Variants in LARGE1 observed in about 807,000 individuals in gnomAD.
LARGE1 encodes the protein LARGE xylosyl- and glucuronyltransferase 1.
In LARGE1, 43 loss-of-function variants were observed where a neutral mutation model predicts 87.6. The ratio of observed to expected loss-of-function variants is 0.49; its 90% CI spans 0.38 to 0.63. The LOEUF (loss-of-function observed/expected upper bound fraction) is 0.63, where lower values mean the gene tolerates loss of function less well. Among genes scored for constraint, LARGE1 ranks in the 30% least tolerant of loss-of-function variants. The probability of loss-of-function intolerance (pLI) is 0.00; values close to 1 mark genes in which losing one functional copy is unlikely to be tolerated. For synonymous variants in LARGE1, 434 were observed against 394.6 expected (o/e 1.10, Z -1.18); for missense variants, 802 against 1,000.2 (o/e 0.80, Z 2.67).
At chr22:33,130,177 G>C in the LARGE1 span, among the ~76,000 whole-genome samples, 51,910 of 150,374 alleles carry the variant, frequency 0.35, 9,169 homozygotes, top group South Asian at 0.46. Context: ...AGCCGGGCGT[G>C]GTGGTGGGCG....
chr22:33,403,893 C>T (rs188480336), intron 7 of LARGE1, among the ~76,000 whole-genome samples: 7 of 152,286 alleles, frequency 4.6e-5, no homozygotes, highest in East Asian at 3.9e-4. Flanking sequence ...CCACCGCGCC[C>T]GGCCCATACT....
At chr22:33,450,603 TTAAATAAATAAA>T (rs10605303) in intron 6 of LARGE1, among the ~76,000 whole-genome samples, 49,562 of 149,204 alleles carry the variant, frequency 0.33, 8,894 homozygotes, top group African/African-American at 0.47. Context: ...CAAGATTCTG[TTAAATAAATAAA>T]TAAATAAATA....
At position 33,824,970 on chromosome 22, in the gene LARGE1, C is replaced by T. The variant is rs148801939; in HGVS notation, c.-82-63412G>A. On this transcript the variant is annotated intron_variant, in intron 1 of 14. Transcript: ENST00000397394. ...TATAATGCTATGTTCTACTACAGCT[C>T]ATCCCAGGAACACTTTGGGTCTTTG... 1.1e-4 allele frequency among the ~76,000 whole-genome samples: 16 copies of T among 152,320 alleles called. No homozygotes were observed. The East Asian group carries it at 3.1e-3, about 29-fold the overall frequency.
chr22:33,827,702 G>C (rs573457300), intron 1 of LARGE1, among the ~76,000 whole-genome samples: 10 of 152,182 alleles, frequency 6.6e-5, no homozygotes, highest in Admixed American at 1.3e-4. Flanking sequence ...TCGTGGTGTA[G>C]AGCCAAGTGG....
In LARGE1 at chr22:33,557,342, T is replaced by C. The variant is rs1257014648; in HGVS notation, c.787+7506A>G. ...GACCAATGGAAGAACCAGTAGTGTC[T>C]ATCAAGAAAATCAAAGCGCTAGTTT... On this transcript the variant is annotated intron_variant, in intron 6 of 14. Transcript: ENST00000397394. Among the ~76,000 whole-genome samples the C allele has an allele frequency of 2.0e-5, 3 of 152,200 alleles. No homozygotes were observed. In the East Asian group the frequency reaches 5.8e-4, roughly 29 times the overall value.
At chr22:33,776,819 T>C (rs1462627347) in intron 1 of LARGE1, among the ~76,000 whole-genome samples, 1 of 152,166 alleles carries the variant, frequency 6.6e-6, no homozygotes, top group Non-Finnish European at 1.5e-5. Context: ...TGGTGCCAAA[T>C]GATACAGGGA....
At chr22:33,277,323 T>A (rs1427396311) in intron 13 of LARGE1, 68 bp from the exon 14 acceptor site, 1 of 1,469,106 alleles carries the variant, frequency 6.8e-7, no homozygotes. Flanking sequence ...GCAGCCGATG[T>A]GGAGGAAGAA....
chr22:33,380,458 A>G (rs2065121957), intron 9 of LARGE1, among the ~76,000 whole-genome samples: 1 of 152,218 alleles, frequency 6.6e-6, no homozygotes, highest in Admixed American at 6.5e-5. Context: ...TATTGGATGG[A>G]AGGGCTTCAT....
Position 33,302,669 on chromosome 22 carries a change from A to AGGG in LARGE1, c.1730+1559_1730+1560insCCC, listed in dbSNP as rs1283743006. On this transcript the variant is annotated intron_variant, in intron 12 of 14. Transcript: ENST00000397394. ...CTAAGAGACAGAGAGACGGAGTCAG[A>AGGG]AGGAGGGAGGGAGAGCAAGAGAACG... Among the ~76,000 whole-genome samples the AGGG allele has an allele frequency of 2.0e-4, 30 of 152,312 alleles. 1 individual carries two copies. The highest frequency in any genetic ancestry group is 6.7e-4 in the African/African-American group (28 of 41,570).
chr22:33,641,838 A>C (rs60298479), intron 3 of LARGE1, among the ~76,000 whole-genome samples: 7,416 of 152,280 alleles, frequency 0.049, 530 homozygotes, highest in African/African-American at 0.16. Flanking sequence ...AAGGAAAAAA[A>C]ATGAAAAGTA....
chr22:33,632,311 A>C (rs993433846), intron 3 of LARGE1, among the ~76,000 whole-genome samples: 2 of 152,014 alleles, frequency 1.3e-5, no homozygotes, highest in African/African-American at 4.8e-5. Context: ...TTTAGTAGAG[A>C]TGGGGTTTGG....
chr22:33,635,510 C>G (rs1034624049), intron 3 of LARGE1, among the ~76,000 whole-genome samples: 1 of 152,122 alleles, frequency 6.6e-6, no homozygotes, highest in African/African-American at 2.4e-5. Flanking sequence ...GGCAAATTAT[C>G]TAACCTCTTG....
chr22:33,413,164 T>C (rs191543574), intron 7 of LARGE1, among the ~76,000 whole-genome samples: 213 of 152,292 alleles, frequency 1.4e-3, no homozygotes, highest in African/African-American at 4.9e-3. Flanking sequence ...AATCCTATCC[T>C]TTGGCAGTAA....
At chr22:33,089,303 T>TCTC in the LARGE1 span, among the ~76,000 whole-genome samples, 1 of 129,652 alleles carries the variant, frequency 7.7e-6, no homozygotes, top group African/African-American at 2.8e-5. Context: ...TTCTTCTTCC[T>TCTC]CTTCTTCTTC....
intron 11 of LARGE1, among the ~76,000 whole-genome samples, chr22:33,201,324 GAGAAAGAGAGAGAGAA>G (rs971745025): frequency 6.0e-5 from 8 of 132,742 alleles, no homozygotes; most frequent in African/African-American, 2.4e-4. Flanking sequence ...GAAAGAAAGA[GAGAAAGAGAGAGAGAA>G]AGAAAGAGAG....
chr22:33,581,411 G>A (rs1039882181), intron 5 of LARGE1, among the ~76,000 whole-genome samples: 3 of 152,082 alleles, frequency 2.0e-5, no homozygotes, highest in Admixed American at 2.0e-4. Context: ...GTACAACCAG[G>A]GATGAAAACT....
chr22:33,597,129 A>C (rs2078998065), intron 5 of LARGE1, among the ~76,000 whole-genome samples: 1 of 152,144 alleles, frequency 6.6e-6, no homozygotes, highest in African/African-American at 2.4e-5. Context: ...CTGAAGTTCA[A>C]CCATTGTTAA....
At position 33,273,412 on chromosome 22, in the gene LARGE1, T is replaced by C. The variant is rs1432246276; in HGVS notation, c.*1015A>G. On this transcript the variant is annotated 3_prime_UTR_variant, in exon 15 of 15. Coordinates refer to ENST00000397394, the MANE Select transcript of LARGE1 (RefSeq NM_133642.5). Reference sequence around the variant, plus strand: ...AGATGGATACGTGAATCTTCAGAACTGGGCTTTCATGAATTATGAAAGTTC... The same window carrying C: ...AGATGGATACGTGAATCTTCAGAACCGGGCTTTCATGAATTATGAAAGTTC... 1 of 398,722 alleles carries C rather than the reference T, an allele frequency of 2.5e-6. No homozygotes were observed. The highest frequency in any genetic ancestry group is 4.4e-6 in the Non-Finnish European group (1 of 226,068). 24.7% of individuals were successfully genotyped at this position (398,722 alleles called of 1,614,324 possible). A position where few individuals can be genotyped will look rare whatever the true frequency, so the allele number is the denominator to read the frequency against.
intron 1 of LARGE1, among the ~76,000 whole-genome samples, chr22:33,788,194 G>A (rs188426663): frequency 1.6e-4 from 24 of 152,284 alleles, no homozygotes; most frequent in Admixed American, 9.8e-4. Context: ...TACTGTGCTC[G>A]TGGTAGTGAA....
Sources: allele counts gnomAD v4.1 joint callset (sites outside exome capture counted in the v4.1 genomes callset), GRCh38; gene constraint gnomAD v4.1.1; transcripts MANE v1.5; gene names NCBI Gene and HGNC (gene_info 2026-07-23, HGNC 2026-07-21).